Variants in MYLK4 observed in about 807,000 individuals in gnomAD.
MYLK4 encodes the protein caMLCK like.
In MYLK4, 46 loss-of-function variants were observed where a neutral mutation model predicts 48.1. The ratio of observed to expected loss-of-function variants is 0.96; its 90% CI spans 0.75 to 1.22. The LOEUF is 1.22. Among genes scored for constraint, MYLK4 ranks in the 50% most tolerant of loss-of-function variants. The probability of loss-of-function intolerance (pLI) is 0.00; values close to 1 mark genes in which losing one functional copy is unlikely to be tolerated. For synonymous variants in MYLK4, 170 were observed against 180.8 expected, an observed-to-expected ratio of 0.94 and a Z score of 0.48; for missense variants, 451 against 486.1, an observed-to-expected ratio of 0.93 and a Z score of 0.68.
intron 2 of MYLK4, among the ~76,000 whole-genome samples, chr6:2,746,369 A>G (rs1407325325): frequency 1.3e-5 from 2 of 152,178 alleles, no homozygotes; most frequent in African/African-American, 2.4e-5. Context: ...TCATAAACTC[A>G]GTAAAACATA....
intron 6 of MYLK4, among the ~76,000 whole-genome samples, chr6:2,684,793 T>G (rs1761462831): frequency 6.6e-6 from 1 of 152,160 alleles, no homozygotes; most frequent in South Asian, 2.1e-4. Context: ...GGAACTTGAG[T>G]GTCCTCCGGT....
chr6:2,681,131 A>C lies in MYLK4; in HGVS notation c.688-840T>G, dbSNP rs953218421. 3.3e-5 allele frequency among the ~76,000 whole-genome samples: 5 copies of C among 152,100 alleles called. No homozygotes were observed. In the South Asian group the frequency reaches 8.3e-4, roughly 25 times the overall value. On this transcript the variant is annotated intron_variant, in intron 7 of 12. Transcript: ENST00000274643. The stretch of plus-strand genomic sequence containing the variant: ...AGAAAAAAAGTTTTCAGAGTTAAGA[A>C]CCCTCAGTCCCAATTCTTTACAAGC...
chr6:2,696,794 G>T (rs1762077849), intron 2 of MYLK4, among the ~76,000 whole-genome samples: 1 of 152,208 alleles, frequency 6.6e-6, no homozygotes, highest in African/African-American at 2.4e-5. Flanking sequence ...AGGCGCAGTG[G>T]CTCACACCTG....
rs559115198 is a variant in MYLK4 at position 2,732,709 on chromosome 6, G to C, written c.159+16427C>G. On this transcript the variant is annotated intron_variant, in intron 2 of 12. Coordinates refer to ENST00000274643, the MANE Select transcript of MYLK4 (RefSeq NM_001012418.5). ...AGGAGGGTGTCAGACCAACATCCTG[G>C]GTGGTTGCTGTAGTTTCCTCTGATG... Among the ~76,000 whole-genome samples the C allele has an allele frequency of 5.9e-5, 9 of 151,858 alleles. No homozygotes were observed. In the South Asian group the frequency reaches 1.9e-3, roughly 32 times the overall value.
intron 2 of MYLK4, among the ~76,000 whole-genome samples, chr6:2,697,568 A>G (rs1038120939): frequency 6.6e-6 from 1 of 152,028 alleles, no homozygotes; most frequent in African/African-American, 2.4e-5. Flanking sequence ...CTACATCAAA[A>G]CCCTACTTTT....
At chr6:2,762,157 G>A in the MYLK4 span, among the ~76,000 whole-genome samples, 2 of 152,186 alleles carry the variant, frequency 1.3e-5, no homozygotes, top group Non-Finnish European at 2.9e-5. Flanking sequence ...TGATTCGCCC[G>A]CCTCAGCCTC....
intron 8 of MYLK4, among the ~76,000 whole-genome samples, chr6:2,679,857 T>C (rs573445165): frequency 2.0e-5 from 3 of 152,370 alleles, no homozygotes; most frequent in East Asian, 3.9e-4. Flanking sequence ...GAATCTTTTA[T>C]GTGCCAGAAC....
intron 2 of MYLK4, among the ~76,000 whole-genome samples, chr6:2,699,385 G>T (rs938831567): frequency 3.0e-5 from 4 of 133,364 alleles, no homozygotes; most frequent in African/African-American, 1.1e-4. Context: ...TCCATCTCCC[G>T]AGTTCAAGCA....
intron 2 of MYLK4, chr6:2,744,090 G>A (rs1051361041): frequency 2.0e-5 from 8 of 398,292 alleles, no homozygotes; most frequent in Admixed American, 4.4e-5. Flanking sequence ...TCCCTGCCCT[G>A]ATCTAGCACC....
intron 2 of MYLK4, among the ~76,000 whole-genome samples, chr6:2,742,092 A>G (rs1213328911): frequency 6.6e-6 from 1 of 152,246 alleles, no homozygotes; most frequent in Admixed American, 6.5e-5. Flanking sequence ...TACTTAAAAA[A>G]AAAACTCTTC....
intron 2 of MYLK4, among the ~76,000 whole-genome samples, chr6:2,730,111 G>T (rs1479014486): frequency 1.3e-5 from 2 of 152,248 alleles, no homozygotes; most frequent in African/African-American, 4.8e-5. Context: ...CAGGCCATCT[G>T]CCTGCAGCAT....
At chr6:2,741,144 T>C (rs1763885806) in intron 2 of MYLK4, among the ~76,000 whole-genome samples, 2 of 152,252 alleles carry the variant, frequency 1.3e-5, no homozygotes, top group South Asian at 2.1e-4. Flanking sequence ...CATGTAAATA[T>C]AGCAAAAATC....
chr6:2,764,997 T>G, the MYLK4 span, among the ~76,000 whole-genome samples: 1 of 152,034 alleles, frequency 6.6e-6, no homozygotes, highest in Non-Finnish European at 1.5e-5. Context: ...TGCGGCCGCC[T>G]CCTGCTTGTC....
Position 2,671,324 on chromosome 6 carries a change from C to A in MYLK4, c.1144G>T (p.Ala382Ser). The change falls in exon 12 of 13, where the codon GCC becomes TCC. Residue 382 changes from alanine (A) to serine (S), a missense_variant. Ala to Ser is a moderately conservative substitution (Grantham distance 99). Coordinates refer to ENST00000274643, the MANE Select transcript of MYLK4 (RefSeq NM_001012418.5). ...GACTATTTGGTCACAAAGTCCTGGG[C>A]ATCAGAGCCACGATTCTTCTTCTTC... The part of the protein sequence containing the change: ...AQKKKNRGSD[A>S]QDFVTK The A allele has an allele frequency of 6.2e-7, 1 of 1,614,090 alleles. No individual in the cohort carries two copies. Among genetic ancestry groups the A allele is most frequent in the Non-Finnish European group, 8.5e-7 (1 of 1,179,996 alleles).
At chr6:2,732,142 C>T (rs1260461106) in intron 2 of MYLK4, among the ~76,000 whole-genome samples, 3 of 152,200 alleles carry the variant, frequency 2.0e-5, no homozygotes, top group East Asian at 3.8e-4. Context: ...TCCTGATTCA[C>T]GTAATCAGAC....
chr6:2,736,678 A>T (rs1485612261), intron 2 of MYLK4, among the ~76,000 whole-genome samples: 2 of 152,222 alleles, frequency 1.3e-5, no homozygotes, highest in South Asian at 2.1e-4. Context: ...AGCTAATTTC[A>T]TTTAAAAATA....
At position 2,737,142 on chromosome 6, in the gene MYLK4, A is replaced by T. The variant is rs897067226; in HGVS notation, c.159+11994T>A. Among the ~76,000 whole-genome samples the T allele has an allele frequency of 4.6e-5, 7 of 152,194 alleles. No individual in the cohort carries two copies. In the South Asian group the frequency reaches 1.5e-3, roughly 32 times the overall value. ...ATCCTGGCCAACATGGTGAAACCCC[A>T]TCTCTACCAGAAATACAAAAACTAG... On this transcript the variant is annotated intron_variant, in intron 2 of 12. Coordinates refer to ENST00000274643, the MANE Select transcript of MYLK4 (RefSeq NM_001012418.5).
intron 2 of MYLK4, among the ~76,000 whole-genome samples, chr6:2,697,438 C>G (rs1762103599): frequency 6.6e-6 from 1 of 152,196 alleles, no homozygotes; most frequent in South Asian, 2.1e-4. Context: ...CTCCGTTAAC[C>G]ATTACATTTA....
At chr6:2,681,424 C>G (rs9503249) in intron 7 of MYLK4, among the ~76,000 whole-genome samples, 1 of 151,986 alleles carries the variant, frequency 6.6e-6, no homozygotes, top group African/African-American at 2.4e-5. Context: ...GGGGGTGCTA[C>G]GTGAACCATT....
Sources: gnomAD v4.1 joint callset for allele counts (sites outside exome capture counted in the v4.1 genomes callset) on GRCh38, gnomAD v4.1.1 for gene constraint, MANE v1.5 for transcripts, NCBI Gene and HGNC (gene_info 2026-07-23, HGNC 2026-07-21) for gene names.